RBBP4: variants seen among roughly 807,000 people sequenced by gnomAD.
RBBP4 encodes the protein RB binding protein 4, chromatin remodeling factor, also known as histone-binding protein RBBP4.
In RBBP4, 3 loss-of-function variants were observed where a neutral mutation model predicts 57.2. That is an observed-to-expected ratio of 0.05 (90% CI 0.02 to 0.14). RBBP4 has a LOEUF of 0.14. RBBP4 is among the 10% of genes least tolerant of loss of function. The pLI is 1.00. For synonymous variants in RBBP4, 151 were observed against 171.5 expected (o/e 0.88, Z 0.93); for missense variants, 107 against 520.6 (o/e 0.21, Z 7.73).
At position 32,651,260 on chromosome 1, in the gene RBBP4, C is replaced by A; in HGVS notation, c.-47C>A. On this transcript the variant is annotated 5_prime_UTR_variant, in exon 1 of 12. Coordinates refer to ENST00000373493, the MANE Select transcript of RBBP4 (RefSeq NM_005610.3). ...GCGAGCTCTTGCAGCCTCCCCGCCC[C>A]TCCCGCAACGCTCGACCCCAGGATT... is the stretch of plus-strand genomic sequence containing the variant. 1 of 1,507,824 alleles carries A rather than the reference C, an allele frequency of 6.6e-7. No individual in the cohort carries two copies. The highest frequency in any genetic ancestry group is 1.2e-5 in the South Asian group (1 of 81,126). 93.4% of individuals were successfully genotyped at this position (1,507,824 alleles called of 1,614,324 possible).
At chr1:32,677,508 T>G (rs1226482889) in intron 11 of RBBP4, among the ~76,000 whole-genome samples, 1 of 149,736 alleles carries the variant, frequency 6.7e-6, no homozygotes, top group Admixed American at 6.7e-5. Flanking sequence ...CAAAAAACAG[T>G]AATAGTAAAA....
In RBBP4 at chr1:32,684,244, C is replaced by T; in HGVS notation, c.*4539C>T. The T allele has an allele frequency of 6.2e-7, 1 of 1,614,136 alleles. No homozygotes were observed. The highest frequency in any genetic ancestry group is 8.5e-7 in the Non-Finnish European group (1 of 1,180,010). On this transcript the variant is annotated 3_prime_UTR_variant, in exon 12 of 12. Coordinates refer to ENST00000373493, the MANE Select transcript of RBBP4 (RefSeq NM_005610.3). ...CCAGTATTAGATGAGATTTGTATAGCAGCAGAAACTGACTTATAAGTAGAG... is the reference window on the plus strand; with the variant it reads ...CCAGTATTAGATGAGATTTGTATAGTAGCAGAAACTGACTTATAAGTAGAG...
intron 2 of RBBP4, among the ~76,000 whole-genome samples, chr1:32,655,081 C>G (rs571747286): frequency 5.3e-5 from 8 of 152,136 alleles, no homozygotes; most frequent in Admixed American, 5.2e-4. Flanking sequence ...CCTTGACCTC[C>G]TGGGCCAAGG....
At position 32,679,825 on chromosome 1, in the gene RBBP4, C is replaced by G. The variant is rs762165637; in HGVS notation, c.*120C>G. The G allele has an allele frequency of 1.4e-5, 21 of 1,456,562 alleles. No homozygotes were observed. Among genetic ancestry groups the G allele is most frequent in the Non-Finnish European group, 1.9e-5 (21 of 1,111,468 alleles). 90.2% of individuals were successfully genotyped at this position (1,456,562 alleles called of 1,614,324 possible). A position where few individuals can be genotyped will look rare whatever the true frequency, so the allele number is the denominator to read the frequency against. On this transcript the variant is annotated 3_prime_UTR_variant, in exon 12 of 12. Coordinates refer to ENST00000373493, the MANE Select transcript of RBBP4 (RefSeq NM_005610.3). Reference sequence around the variant, plus strand: ...TATCCCTCTATATAATAGGTACCACCGATAATGCTATTAGCCCAAACCGTG... The same window carrying G: ...TATCCCTCTATATAATAGGTACCACGGATAATGCTATTAGCCCAAACCGTG...
intron 9 of RBBP4, 41 bp downstream of exon 9, chr1:32,672,567 C>T: frequency 1.3e-6 from 2 of 1,595,786 alleles, no homozygotes; most frequent in Non-Finnish European, 1.7e-6. Flanking sequence ...TAATTATTTC[C>T]TTTATTTACA....
intron 2 of RBBP4, among the ~76,000 whole-genome samples, chr1:32,654,530 A>G (rs1648049678): frequency 6.6e-6 from 1 of 152,222 alleles, no homozygotes; most frequent in Non-Finnish European, 1.5e-5. Context: ...TAGAACCCCT[A>G]CTTTTCAGAA....
Position 32,683,989 on chromosome 1 carries a change from T to C in RBBP4, c.*4284T>C, listed in dbSNP as rs760024339. On this transcript the variant is annotated 3_prime_UTR_variant, in exon 12 of 12. Transcript: ENST00000373493. ...AAAGCAGTAACAATGCAAACACCAC[T>C]CTTCTCTTCACAAAGATCACCTTGA... 1 of 1,595,968 alleles carries C rather than the reference T, an allele frequency of 6.3e-7. No individual in the cohort carries two copies. Among genetic ancestry groups the C allele is most frequent in the Admixed American group, 1.7e-5 (1 of 59,374 alleles).
chr1:32,659,593 C>T (rs1648313153), intron 3 of RBBP4, among the ~76,000 whole-genome samples: 1 of 151,332 alleles, frequency 6.6e-6, no homozygotes, highest in Non-Finnish European at 1.5e-5. Context: ...AAACCTTTCC[C>T]CTGGATATCA....
rs1570864467 is a variant in RBBP4, at chr1:32,672,305, C to G, written c.967-145C>G. The G allele has an allele frequency of 1.5e-5, 10 of 685,668 alleles. No homozygotes were observed. In the East Asian group the frequency reaches 2.5e-4, roughly 17 times the overall value. The allele number at this position is 685,668 out of a possible 1,614,324, so 42.5% of individuals were successfully genotyped here. A position where few individuals can be genotyped will look rare whatever the true frequency, so the allele number is the denominator to read the frequency against. ...TGCCCATAAAATAAATTCTTTAGCTCTTAATTTTAACTGTAACGTGTATAA... is the reference window on the plus strand; with the variant it reads ...TGCCCATAAAATAAATTCTTTAGCTGTTAATTTTAACTGTAACGTGTATAA... On this transcript the variant is annotated intron_variant, in intron 8 of 11. Coordinates refer to ENST00000373493, the MANE Select transcript of RBBP4 (RefSeq NM_005610.3).
intron 1 of RBBP4, chr1:32,651,673 G>T (rs1196594867): frequency 2.7e-6 from 2 of 733,462 alleles, no homozygotes; most frequent in Non-Finnish European, 4.2e-6. Flanking sequence ...CGGCGCGCAC[G>T]AGCGTGCTCC....
intron 3 of RBBP4, among the ~76,000 whole-genome samples, chr1:32,662,815 C>T (rs1648482268): frequency 6.6e-6 from 1 of 151,722 alleles, no homozygotes; most frequent in Non-Finnish European, 1.5e-5. Flanking sequence ...GAAACCCCAT[C>T]TCTACTAAAA....
In RBBP4 at chr1:32,667,781, A is replaced by G. The variant is rs865883143; in HGVS notation, c.311-444A>G. Reference sequence around the variant, plus strand: ...ATTCACAGATGCTGAAGTCTCTGATACAGCATGGCATAATGTTTACACATA... The same window carrying G: ...ATTCACAGATGCTGAAGTCTCTGATGCAGCATGGCATAATGTTTACACATA... On this transcript the variant is annotated intron_variant, in intron 3 of 11. Transcript: ENST00000373493. Among the ~76,000 whole-genome samples the G allele has an allele frequency of 2.0e-5, 3 of 152,338 alleles. No homozygotes were observed. In the South Asian group the frequency reaches 6.2e-4, roughly 32 times the overall value.
rs555860065 is a variant in RBBP4, at chr1:32,653,847, C to A, written c.164+1786C>A. 4.6e-5 allele frequency among the ~76,000 whole-genome samples: 7 copies of A among 151,192 alleles called. No homozygotes were observed. The South Asian group carries it at 1.0e-3, about 23-fold the overall frequency. On this transcript the variant is annotated intron_variant, in intron 2 of 11. Coordinates refer to ENST00000373493, the MANE Select transcript of RBBP4 (RefSeq NM_005610.3). ...CTAATTTTTTGTATTTTTAGTAGAGCCGGGGTTTCACCGTGTTAGCCAGGA... is the reference window on the plus strand; with the variant it reads ...CTAATTTTTTGTATTTTTAGTAGAGACGGGGTTTCACCGTGTTAGCCAGGA...
Position 32,680,699 on chromosome 1 carries a change from C to T in RBBP4, c.*994C>T. ...TTTAGTATAAAACATCCATCAAACA[C>T]CAGTCTCTGGCTTCTAGAAGAGTCC... On this transcript the variant is annotated 3_prime_UTR_variant, in exon 12 of 12. Transcript: ENST00000373493. The T allele has an allele frequency of 1.5e-6, 1 of 657,778 alleles. No homozygotes were observed. Among genetic ancestry groups the T allele is most frequent in the Non-Finnish European group, 2.5e-6 (1 of 398,048 alleles). 40.7% of individuals were successfully genotyped at this position (657,778 alleles called of 1,614,324 possible).
chr1:32,669,877 C>T lies in RBBP4; in HGVS notation c.966+314C>T, dbSNP rs1008395660. On this transcript the variant is annotated intron_variant, in intron 8 of 11. Transcript: ENST00000373493. The surrounding 1 kb of genome is among the most constrained non-coding windows in gnomAD (Gnocchi z 4.9). ...CTGCACTCTAGCCTGGGCGACAGAACGAGAGTCCGTCTCAAAAAAAAAGAA... is the reference window on the plus strand; with the variant it reads ...CTGCACTCTAGCCTGGGCGACAGAATGAGAGTCCGTCTCAAAAAAAAAGAA... Among the ~76,000 whole-genome samples, 1 of 134,872 alleles carries T rather than the reference C, an allele frequency of 7.4e-6. No individual in the cohort carries two copies. Among genetic ancestry groups the T allele is most frequent in the Non-Finnish European group, 1.6e-5 (1 of 62,782 alleles). The allele number at this position is 134,872 out of a possible 152,430, so 88.5% of individuals were successfully genotyped here. A position where few individuals can be genotyped will look rare whatever the true frequency, so the allele number is the denominator to read the frequency against.
intron 3 of RBBP4, among the ~76,000 whole-genome samples, chr1:32,658,617 G>A (rs180777058): frequency 3.3e-4 from 50 of 149,532 alleles, no homozygotes; most frequent in Admixed American, 1.8e-3. Context: ...CGCGATCTCA[G>A]TTCACTGCAA....
In RBBP4 at chr1:32,669,163, A is replaced by C. The variant is rs369281857; in HGVS notation, c.761+31A>C. ...TAGAATCCATTCAGAGTTTCTAAAT[A>C]TCTTGTCTAAGTTTTATGTTTAGTC... On this transcript the variant is annotated intron_variant, in intron 6 of 11. Transcript: ENST00000373493. This position sits in a 1 kb window ranked among gnomAD's most constrained non-coding sequence, Gnocchi z 4.9. 1.9e-4 allele frequency: 313 copies of C among 1,612,390 alleles called. 1 individual carries two copies. The highest frequency in any genetic ancestry group is 2.5e-4 in the Non-Finnish European group (295 of 1,179,386).
chr1:32,669,172 A>G lies in RBBP4; in HGVS notation c.761+40A>G, dbSNP rs952986508. ...TTCAGAGTTTCTAAATATCTTGTCT[A>G]AGTTTTATGTTTAGTCACCATTTCA... On this transcript the variant is annotated intron_variant, in intron 6 of 11. Transcript: ENST00000373493. The surrounding 1 kb of genome is among the most constrained non-coding windows in gnomAD (Gnocchi z 4.9). 1.9e-6 allele frequency: 3 copies of G among 1,611,846 alleles called. No homozygotes were observed. The highest frequency in any genetic ancestry group is 2.5e-6 in the Non-Finnish European group (3 of 1,179,300).
At position 32,673,772 on chromosome 1, in the gene RBBP4, A is replaced by G. The variant is rs559851030; in HGVS notation, c.1212+871A>G. Among the ~76,000 whole-genome samples the G allele has an allele frequency of 3.3e-5, 5 of 152,228 alleles. No homozygotes were observed. In the South Asian group the frequency reaches 1.0e-3, roughly 32 times the overall value. On this transcript the variant is annotated intron_variant, in intron 11 of 11. Transcript: ENST00000373493. ...CAAAGCACTTCAATTTAATAAAAAT[A>G]ACTGTGGTGTCTCATACATTAATAT...
Sources: gnomAD v4.1 joint callset for allele counts (sites outside exome capture counted in the v4.1 genomes callset) on GRCh38, gnomAD v4.1.1 for gene constraint, Gnocchi (gnomAD v3.1) non-coding constraint, MANE v1.5 for transcripts, NCBI Gene and HGNC (gene_info 2026-07-23, HGNC 2026-07-21) for gene names.